Variants in CHST13 observed in about 807,000 individuals in gnomAD.
The protein encoded by CHST13 is carbohydrate sulfotransferase 13.
CHST13 carries 1 observed loss-of-function variant against 7.0 expected under a neutral mutation model. The observed-to-expected ratio is 0.14, with a 90% CI of 0.05 to 0.68. The LOEUF is 0.68. Ranked by LOEUF, CHST13 falls within the 30% of genes least tolerant of loss-of-function variation. The pLI is 0.82. For synonymous variants in CHST13, 257 were observed against 240.9 expected (o/e 1.07, Z -0.62); for missense variants, 572 against 507.9 (o/e 1.13, Z -1.21).
chr3:126,535,507 C>T (rs1204854649), intron 1 of CHST13, among the ~76,000 whole-genome samples: 5 of 151,258 alleles, frequency 3.3e-5, no homozygotes, highest in Admixed American at 1.3e-4. Context: ...CAGACAGTAT[C>T]GCTGTCCTCA....
intron 1 of CHST13, chr3:126,529,302 G>T: frequency 7.8e-7 from 1 of 1,288,668 alleles, no homozygotes; most frequent in Non-Finnish European, 1.0e-6. Flanking sequence ...GCATGGCCTT[G>T]AGCAGCTCTC....
At chr3:126,539,794 CAG>C (rs1156365991) in intron 2 of CHST13, among the ~76,000 whole-genome samples, 3 of 30,526 alleles carry the variant, frequency 9.8e-5, no homozygotes, top group African/African-American at 2.3e-4. Context: ...CCACACACCA[CAG>C]ACACCACACC....
At chr3:126,538,205 C>T (rs58866773) in intron 2 of CHST13, among the ~76,000 whole-genome samples, 28 of 152,250 alleles carry the variant, frequency 1.8e-4, no homozygotes, top group Admixed American at 1.3e-4. Flanking sequence ...CTGAGCTGCT[C>T]GGAGACTGGC....
intron 1 of CHST13, among the ~76,000 whole-genome samples, chr3:126,531,338 C>G (rs1576748447): frequency 6.6e-6 from 1 of 152,252 alleles, no homozygotes; most frequent in African/African-American, 2.4e-5. Flanking sequence ...TCAGATTTCC[C>G]AAGTTTACTG....
Position 126,524,230 on chromosome 3 carries a change from C to A in CHST13, c.-103C>A, listed in dbSNP as rs1037715422. The A allele has an allele frequency of 3.2e-6, 3 of 930,118 alleles. No homozygotes were observed. Among genetic ancestry groups the A allele is most frequent in the Non-Finnish European group, 4.1e-6 (3 of 724,622 alleles). The allele number at this position is 930,118 out of a possible 1,614,324, so 57.6% of individuals were successfully genotyped here. On this transcript the variant is annotated 5_prime_UTR_variant, in exon 1 of 3. Transcript: ENST00000319340. Reference sequence around the variant, plus strand: ...CTCCCCTGCCCTGCGCCGCGCCGCGCGTCTTGGTAGGCGCTGCGCTGCCGG... The same window carrying A: ...CTCCCCTGCCCTGCGCCGCGCCGCGAGTCTTGGTAGGCGCTGCGCTGCCGG...
At chr3:126,532,626 A>G (rs982170255) in intron 1 of CHST13, among the ~76,000 whole-genome samples, 1 of 152,202 alleles carries the variant, frequency 6.6e-6, no homozygotes, top group South Asian at 2.1e-4. Context: ...TCATTCATCT[A>G]TATGTCTCTC....
At chr3:126,537,754 A>G (rs1297170001) in intron 2 of CHST13, among the ~76,000 whole-genome samples, 1 of 148,218 alleles carries the variant, frequency 6.7e-6, no homozygotes, top group Non-Finnish European at 1.5e-5. Flanking sequence ...TGGAGAAATA[A>G]CATAGTAAAA....
Position 126,536,330 on chromosome 3 carries a change from C to A in CHST13, c.157C>A (p.Gln53Lys), listed in dbSNP as rs1170189426. The change falls in exon 2 of 3, where the codon CAG (glutamine) becomes AAG (lysine). Residue 53 changes from glutamine (Q) to lysine (K), a missense_variant. By Grantham distance (53) the Gln-to-Lys change is moderately conservative (BLOSUM62 1). Coordinates refer to ENST00000319340, the MANE Select transcript of CHST13 (RefSeq NM_152889.3). ...TGGTGGGGAGAAGAGAAGCCCCCTG[C>A]AGAAGCTCTATGACCTGGATCAGGT... ...WLGGEKRSPL[Q>K]KLYDLDQDPR... 1.9e-6 allele frequency: 3 copies of A among 1,613,970 alleles called. No individual in the cohort carries two copies.
rs143024190 is a variant in CHST13 at position 126,541,929 on chromosome 3, C to A, written c.377C>A (p.Ala126Glu). ...ACTNWKRVLL[A>E]LSGQARGDPR... ...ACCAACTGGAAGCGCGTGCTGCTGG[C>A]GCTGAGCGGCCAAGCCCGCGGCGAC... Residue 126 changes from alanine (A) to glutamate (E), a missense_variant, in exon 3 of 3, where the codon GCG becomes GAG. Coordinates refer to ENST00000319340, the MANE Select transcript of CHST13 (RefSeq NM_152889.3). 1.3e-6 allele frequency: 2 copies of A among 1,594,266 alleles called. No individual in the cohort carries two copies. The highest frequency in any genetic ancestry group is 1.7e-6 in the Non-Finnish European group (2 of 1,171,396).
chr3:126,536,413 A>G, intron 2 of CHST13, 60 bp downstream of exon 2: 1 of 1,352,168 alleles, frequency 7.4e-7, no homozygotes, highest in Non-Finnish European at 1.1e-6. Flanking sequence ...GGAGCCTGAC[A>G]GCAACAGTGC....
rs1181595720 is a variant in CHST13 at position 126,543,122 on chromosome 3, A to G, written c.*544A>G. 1.3e-5 allele frequency: 2 copies of G among 151,936 alleles called. No homozygotes were observed. Among genetic ancestry groups the G allele is most frequent in the African/African-American group, 4.8e-5 (2 of 41,310 alleles). The allele number at this position is 151,936 out of a possible 1,614,324, so 9.4% of individuals were successfully genotyped here. On this transcript the variant is annotated 3_prime_UTR_variant, in exon 3 of 3. Transcript: ENST00000319340. ...GCCATCGGGTCTCCTCTCCTCTCCC[A>G]CGCGGCTGGCCCTACCCAGGCGCCA...
chr3:126,529,208 C>G (rs1017018047), intron 1 of CHST13: 2 of 826,170 alleles, frequency 2.4e-6, no homozygotes, highest in African/African-American at 3.5e-5. Context: ...CTGTAGGTTT[C>G]TAGTGTGGTG....
rs1010665570 is a variant in CHST13, at chr3:126,524,276, C to T, written c.-57C>T. 1.2e-5 allele frequency: 14 copies of T among 1,202,472 alleles called. No individual in the cohort carries two copies. Among genetic ancestry groups the T allele is most frequent in the Non-Finnish European group, 1.3e-5 (13 of 965,962 alleles). 74.5% of individuals were successfully genotyped at this position (1,202,472 alleles called of 1,614,324 possible). The stretch of plus-strand genomic sequence containing the variant: ...GCCGGGGCCGGGTCCTGGGCCAGTG[C>T]AACTCCGCCCCCAGCCGTATCCAGC... On this transcript the variant is annotated 5_prime_UTR_variant, in exon 1 of 3. Coordinates refer to ENST00000319340, the MANE Select transcript of CHST13 (RefSeq NM_152889.3).
At chr3:126,532,423 T>C (rs559923860) in intron 1 of CHST13, among the ~76,000 whole-genome samples, 1 of 152,122 alleles carries the variant, frequency 6.6e-6, no homozygotes, top group East Asian at 1.9e-4. Flanking sequence ...GGGGCTATGA[T>C]CCATTTTGAG....
In CHST13 at chr3:126,541,724, C is replaced by G. The variant is rs968965509; in HGVS notation, c.181-9C>G. The G allele has an allele frequency of 1.1e-4, 159 of 1,446,522 alleles. No individual in the cohort carries two copies. Among genetic ancestry groups the G allele is most frequent in the Non-Finnish European group, 1.4e-4 (149 of 1,102,268 alleles). 89.6% of individuals were successfully genotyped at this position (1,446,522 alleles called of 1,614,324 possible). On this transcript the variant is annotated splice_polypyrimidine_tract_variant and intron_variant, in intron 2 of 2. Coordinates refer to ENST00000319340, the MANE Select transcript of CHST13 (RefSeq NM_152889.3). ...CGCGTCCCCCTGTCCCGTCTCCTGT[C>G]GCCCACAGGACCCGCGCTCGACCCT... is the stretch of plus-strand genomic sequence containing the variant.
chr3:126,541,267 G>GT (rs1315449288), intron 2 of CHST13, among the ~76,000 whole-genome samples: 1 of 152,218 alleles, frequency 6.6e-6, no homozygotes, highest in Non-Finnish European at 1.5e-5. Flanking sequence ...GTGCTGATTG[G>GT]TAAGTACAGA....
At chr3:126,533,907 G>T (rs1560138934) in intron 1 of CHST13, among the ~76,000 whole-genome samples, 1 of 151,978 alleles carries the variant, frequency 6.6e-6, no homozygotes, top group Non-Finnish European at 1.5e-5. Flanking sequence ...ACTTGTTATG[G>T]GTCTGCTGAG....
chr3:126,536,224 C>A lies in CHST13; in HGVS notation c.98-47C>A, dbSNP rs1432328194. ...GGTTGGCCAAACCCCCAGGTCCATG[C>A]AAGTCCCTCTGATATGGTGGCGACA... On this transcript the variant is annotated intron_variant, in intron 1 of 2. Transcript: ENST00000319340. The A allele has an allele frequency of 9.0e-6, 14 of 1,554,640 alleles. No individual in the cohort carries two copies. In the Middle Eastern group the frequency reaches 5.0e-4, roughly 56 times the overall value.
In CHST13 at chr3:126,529,319, C is replaced by G. The variant is rs749880437; in HGVS notation, c.97+4890C>G. 22 of 1,289,264 alleles carry G rather than the reference C, an allele frequency of 1.7e-5. 1 individual carries two copies. The highest frequency in any genetic ancestry group is 2.2e-5 in the Non-Finnish European group (22 of 988,852). 79.9% of individuals were successfully genotyped at this position (1,289,264 alleles called of 1,614,324 possible). ...ATGGCCTTGAGCAGCTCTCTCTGCT[C>G]TCCTTCCCTGGGCTGGTATTTCCTC... On this transcript the variant is annotated intron_variant, in intron 1 of 2. Transcript: ENST00000319340.
Sources: allele counts gnomAD v4.1 joint callset (sites outside exome capture counted in the v4.1 genomes callset), GRCh38; gene constraint gnomAD v4.1.1; transcripts MANE v1.5; gene names NCBI Gene and HGNC (gene_info 2026-07-23, HGNC 2026-07-21).